Variants in PTGER3 observed in about 807,000 individuals in gnomAD.
PTGER3 encodes prostaglandin E2 receptor EP3 subtype.
PTGER3 carries 22 observed loss-of-function variants against 34.7 expected under a neutral mutation model. The ratio of observed to expected loss-of-function variants is 0.63; its 90% CI spans 0.45 to 0.91. The LOEUF (loss-of-function observed/expected upper bound fraction) is 0.91. Among genes scored for constraint, PTGER3 ranks in the 40% least tolerant of loss-of-function variants. The pLI is 0.00. For synonymous variants in PTGER3, 241 were observed against 230.1 expected (o/e 1.05, Z -0.43); for missense variants, 468 against 519.4 (o/e 0.90, Z 0.96).
At chr1:70,942,379 C>T (rs1431260238) in intron 4 of PTGER3, among the ~76,000 whole-genome samples, 1 of 152,146 alleles carries the variant, frequency 6.6e-6, no homozygotes, top group Non-Finnish European at 1.5e-5. Context: ...CATAATTTAG[C>T]CCATCTCAGT....
At chr1:70,994,823 T>C (rs993058722) in intron 2 of PTGER3, among the ~76,000 whole-genome samples, 1 of 152,160 alleles carries the variant, frequency 6.6e-6, no homozygotes, top group Non-Finnish European at 1.5e-5. Flanking sequence ...TTGTACTATT[T>C]TTTTTGGTCA....
In PTGER3 at chr1:71,047,531, C is replaced by G. The variant is rs200764199; in HGVS notation, c.47G>C (p.Arg16Pro). The change falls in exon 1 of 4, where the codon CGC (arginine) becomes CCC (proline). Residue 16 changes from arginine to proline, a missense_variant. Arg to Pro is a moderately radical substitution (Grantham distance 103, BLOSUM62 -2). This residue lies in a region of PTGER3 where 151 missense variants were observed against 133.5 expected (regional missense o/e 1.13). Coordinates refer to ENST00000306666, the MANE Select transcript of PTGER3 (RefSeq NM_198719.2). ...CATGCCTGTGTAGGAGTGGTTGAGG[C>G]GGGTGCAGAAGGGGGCATCCCCTCC... ...GYGGDAPFCTRLNHSYTGMWA... is the reference protein window; with the variant it reads ...GYGGDAPFCTPLNHSYTGMWA... 1 of 1,587,894 alleles carries G rather than the reference C, an allele frequency of 6.3e-7. No homozygotes were observed.
At chr1:71,034,833 T>G (rs1032839036) in intron 1 of PTGER3, among the ~76,000 whole-genome samples, 3 of 152,166 alleles carry the variant, frequency 2.0e-5, no homozygotes, top group Admixed American at 6.5e-5. Flanking sequence ...TATTGAAAAT[T>G]TATTGGCCTT....
rs534898722 is a variant in PTGER3, at chr1:70,880,541, T to A, written c.*24-27682A>T. Reference sequence around the variant, plus strand: ...CCCATCTCTACTAAAAATAAAAAAATTAGCCAGGCATGATGGCGGGCACCT... The same window carrying A: ...CCCATCTCTACTAAAAATAAAAAAAATAGCCAGGCATGATGGCGGGCACCT... On this transcript the variant is annotated intron_variant, in intron 4 of 4. Coordinates refer to the PTGER3 transcript ENST00000370931. Among the ~76,000 whole-genome samples, 27 of 151,756 alleles carry A rather than the reference T, an allele frequency of 1.8e-4. 1 individual carries two copies. The South Asian group carries it at 5.4e-3, about 30-fold the overall frequency.
chr1:71,025,767 A>T (rs564958038), intron 1 of PTGER3, among the ~76,000 whole-genome samples: 1 of 152,318 alleles, frequency 6.6e-6, no homozygotes, highest in South Asian at 2.1e-4. Context: ...AAGTCACCAG[A>T]AATATTTGGT....
rs1393780760 is a variant in PTGER3, at chr1:70,942,607, G to A, written c.*23+11156C>T. ...GACTGGGTCAAGCAACACTACTCTC[G>A]AAAATTTCTCTTGTTTTGGGTGGAT... On this transcript the variant is annotated intron_variant, in intron 4 of 4. Transcript: ENST00000370931. 9.2e-5 allele frequency among the ~76,000 whole-genome samples: 14 copies of A among 152,008 alleles called. No individual in the cohort carries two copies. The East Asian group carries it at 2.3e-3, about 25-fold the overall frequency.
At chr1:70,960,872 C>T (rs1294729780) in intron 2 of PTGER3, among the ~76,000 whole-genome samples, 1 of 152,186 alleles carries the variant, frequency 6.6e-6, no homozygotes, top group Admixed American at 6.5e-5. Context: ...AGCAGCTGCA[C>T]TCCCCACTTC....
Position 70,964,303 on chromosome 1 carries a change from C to T in PTGER3, c.1078-10514G>A, listed in dbSNP as rs186187091. ...TCACCCAGTTCCAAACTTGTTTCCA[C>T]ATTCTCAGGTGCCCTTTATAGCAAC... is the stretch of plus-strand genomic sequence containing the variant. On this transcript the variant is annotated intron_variant, in intron 2 of 3. Coordinates refer to the PTGER3 transcript ENST00000356595. Among the ~76,000 whole-genome samples, 177 of 152,326 alleles carry T rather than the reference C, an allele frequency of 1.2e-3. 1 individual carries two copies. Among genetic ancestry groups the T allele is most frequent in the Admixed American group, 0.011 (171 of 15,306 alleles).
intron 1 of PTGER3, among the ~76,000 whole-genome samples, chr1:71,019,843 C>T (rs1180638772): frequency 1.3e-5 from 2 of 152,136 alleles, no homozygotes; most frequent in Non-Finnish European, 2.9e-5. Context: ...TGGTTAGCTG[C>T]CCTTAGGCTC....
At chr1:70,885,796 G>A (rs1646485827) in intron 4 of PTGER3, among the ~76,000 whole-genome samples, 1 of 152,146 alleles carries the variant, frequency 6.6e-6, no homozygotes, top group South Asian at 2.1e-4. Context: ...TTACAGTTGT[G>A]TACAACATGC....
chr1:71,020,472 C>A (rs1206219827), intron 1 of PTGER3, among the ~76,000 whole-genome samples: 10 of 151,956 alleles, frequency 6.6e-5, no homozygotes, highest in Admixed American at 6.6e-4. Context: ...GCATACACCT[C>A]TACAGTTTTT....
At chr1:70,948,055 T>A (rs549851190), downstream of PTGER3, among the ~76,000 whole-genome samples, 1 of 152,184 alleles carries the variant, frequency 6.6e-6, no homozygotes, top group East Asian at 1.9e-4. Context: ...AGGTTTCCTG[T>A]AATGCCTTAG....
intron 4 of PTGER3, among the ~76,000 whole-genome samples, chr1:70,932,068 A>G (rs1053462785): frequency 6.6e-6 from 1 of 152,172 alleles, no homozygotes; most frequent in African/African-American, 2.4e-5. Context: ...CTTCCACCAG[A>G]TACCTTTAAT....
At chr1:70,886,320 C>A (rs1192264450) in intron 4 of PTGER3, 3 of 450,000 alleles carry the variant, frequency 6.7e-6, no homozygotes, top group Non-Finnish European at 1.3e-5. Context: ...AACTTGCCGG[C>A]CTCCAGAACT....
intron 2 of PTGER3, among the ~76,000 whole-genome samples, chr1:70,991,552 G>A (rs1655483596): frequency 6.6e-6 from 1 of 152,294 alleles, no homozygotes; most frequent in African/African-American, 2.4e-5. Flanking sequence ...GGGAACTGCA[G>A]GGAGATGCAT....
intron 1 of PTGER3, among the ~76,000 whole-genome samples, chr1:71,018,642 TATAAA>T (rs1658129948): frequency 6.6e-6 from 1 of 152,196 alleles, no homozygotes; most frequent in African/African-American, 2.4e-5. Flanking sequence ...TTATTTTCTC[TATAAA>T]ATAAAGAATT....
chr1:70,869,036 C>A (rs1252502116), intron 4 of PTGER3, among the ~76,000 whole-genome samples: 3 of 152,148 alleles, frequency 2.0e-5, no homozygotes, highest in African/African-American at 7.2e-5. Context: ...GCCAATTAAA[C>A]CTCTTTTTTT....
chr1:71,004,345 T>A (rs926800657), intron 2 of PTGER3, among the ~76,000 whole-genome samples: 1 of 152,168 alleles, frequency 6.6e-6, no homozygotes, highest in African/African-American at 2.4e-5. Flanking sequence ...GTTATAGAGA[T>A]CATGACTTGA....
At chr1:71,036,092 GA>G (rs1486405261) in intron 1 of PTGER3, among the ~76,000 whole-genome samples, 2 of 152,192 alleles carry the variant, frequency 1.3e-5, no homozygotes, top group African/African-American at 2.4e-5. Context: ...AGAAGTTTCA[GA>G]AGAATTACTT....
Sources: gnomAD v4.1 joint callset for allele counts (sites outside exome capture counted in the v4.1 genomes callset) on GRCh38, gnomAD v4.1.1 for gene constraint, gnomAD v4.1.1 regional missense constraint, MANE v1.5 for transcripts, NCBI Gene and HGNC (gene_info 2026-07-23, HGNC 2026-07-21) for gene names.